The following UBR4 variants were observed in gnomAD, a reference collection of about 807,000 sequenced individuals.
UBR4 encodes the protein E3 ubiquitin-protein ligase UBR4.
In UBR4, 124 loss-of-function variants were observed where a neutral mutation model predicts 575.6. That is an observed-to-expected ratio of 0.22 (90% CI 0.19 to 0.25). The LOEUF (loss-of-function observed/expected upper bound fraction) is 0.25. Ranked by LOEUF, UBR4 falls within the 10% of genes least tolerant of loss-of-function variation. The pLI is 1.00. For missense variants in UBR4, 4,818 were observed against 6,478.8 expected (o/e 0.74, Z 8.80); for synonymous variants, 2,455 against 2,473.7 (o/e 0.99, Z 0.22).
At chr1:19,092,175 C>A (rs1177084851) in intron 97 of UBR4, among the ~76,000 whole-genome samples, 4 of 152,110 alleles carry the variant, frequency 2.6e-5, no homozygotes, top group Admixed American at 2.0e-4. Flanking sequence ...GCCCTGCGTC[C>A]TGATGGCACT....
intron 13 of UBR4, 73 bp downstream of exon 13, chr1:19,187,091 T>C (rs1033709790): frequency 3.3e-6 from 3 of 909,872 alleles, no homozygotes; most frequent in South Asian, 4.4e-5. Flanking sequence ...TATATATATA[T>C]ATATACATAT....
chr1:19,095,510 C>A, intron 93 of UBR4, 35 bp downstream of exon 93: 1 of 1,598,244 alleles, frequency 6.3e-7, no homozygotes. Flanking sequence ...ACTTCCAAGG[C>A]CCACTCTTCT....
chr1:19,127,795 C>A, intron 62 of UBR4, 56 bp from the exon 63 acceptor site: 1 of 1,417,494 alleles, frequency 7.1e-7, no homozygotes, highest in Non-Finnish European at 1.0e-6. Context: ...TTGAGGCATC[C>A]TCTGAACAAG....
rs2086045662 is a variant in UBR4, at chr1:19,153,653, C to A, written c.6630+115G>T. Reference sequence around the variant, plus strand: ...GAAAAGGCATCTAGAAGAAAAAGGACTGAAAATCTTTTATGGGCCTCCATT... The same window carrying A: ...GAAAAGGCATCTAGAAGAAAAAGGAATGAAAATCTTTTATGGGCCTCCATT... On this transcript the variant is annotated intron_variant, in intron 45 of 105. Transcript: ENST00000375254. The surrounding 1 kb of genome is among the most constrained non-coding windows in gnomAD (Gnocchi z 4.1). 11 of 1,490,674 alleles carry A rather than the reference C, an allele frequency of 7.4e-6. No homozygotes were observed. The highest frequency in any genetic ancestry group is 1.0e-5 in the Non-Finnish European group (11 of 1,102,768). 92.3% of individuals were successfully genotyped at this position (1,490,674 alleles called of 1,614,324 possible).
At position 19,169,549 on chromosome 1, in the gene UBR4, G is replaced by C. The variant is rs749861014; in HGVS notation, c.3644-17C>G. The C allele has an allele frequency of 1.2e-6, 2 of 1,606,042 alleles. No homozygotes were observed. Among genetic ancestry groups the C allele is most frequent in the African/African-American group, 1.3e-5 (1 of 74,562 alleles). On this transcript the variant is annotated splice_polypyrimidine_tract_variant and intron_variant, in intron 26 of 105. Transcript: ENST00000375254. ...GTGTCGGACCTGGAGGCGACAGAAA[G>C]GACAAGGAATCATCACAAGAAAGAA... is the stretch of plus-strand genomic sequence containing the variant.
chr1:19,199,395 G>C (rs1381008194), intron 3 of UBR4, among the ~76,000 whole-genome samples: 1 of 152,212 alleles, frequency 6.6e-6, no homozygotes, highest in Non-Finnish European at 1.5e-5. Context: ...GCAAACTACA[G>C]CTCCAATTCA....
chr1:19,184,108 A>T lies in UBR4; in HGVS notation c.2006T>A (p.Phe669Tyr). ...TSSMLNSRNN[F>Y]IRNYLSVSLS... The stretch of plus-strand genomic sequence containing the variant: ...AGATACACTCAGATAGTTTCGGATA[A>T]AATTGTTCCGAGAGTTCAGCATGGA... Residue 669 changes from phenylalanine to tyrosine, a missense_variant, in exon 16 of 106, where the codon TTT becomes TAT. Transcript: ENST00000375254. 1 of 1,614,192 alleles carries T rather than the reference A, an allele frequency of 6.2e-7. No homozygotes were observed. Among genetic ancestry groups the T allele is most frequent in the Non-Finnish European group, 8.5e-7 (1 of 1,180,042 alleles).
At chr1:19,137,846 C>T (rs941626845) in intron 60 of UBR4, among the ~76,000 whole-genome samples, 161 bp downstream of exon 60, 5 of 152,224 alleles carry the variant, frequency 3.3e-5, no homozygotes, top group African/African-American at 1.2e-4. Context: ...AGACCTAGAG[C>T]ACTTCCTAAG....
intron 17 of UBR4, among the ~76,000 whole-genome samples, chr1:19,180,244 GGTTGCA>G (rs1031970599): frequency 6.6e-6 from 1 of 151,520 alleles, no homozygotes; most frequent in African/African-American, 2.4e-5. Flanking sequence ...GCAGGAGTGC[GGTTGCA>G]CGATCTCAGC....
intron 101 of UBR4, among the ~76,000 whole-genome samples, chr1:19,085,878 G>A (rs891550419): frequency 1.3e-5 from 2 of 152,142 alleles, no homozygotes; most frequent in Non-Finnish European, 2.9e-5. Context: ...GAATAGTGAA[G>A]ACCCAGAAAT....
At chr1:19,125,612 T>C (rs2081643677) in intron 64 of UBR4, 1 of 152,178 alleles carries the variant, frequency 6.6e-6, no homozygotes, top group Admixed American at 6.5e-5. Flanking sequence ...CCTTGGGAAA[T>C]GTGCAGGCTG....
chr1:19,117,178 C>A lies in UBR4; in HGVS notation c.10823+43G>T. ...ACCGAAGGCAGCAACTGAGCTTCAG[C>A]CTTACAACCTGCTGCCCCTCCCGAG... On this transcript the variant is annotated intron_variant, in intron 73 of 105. Transcript: ENST00000375254. The surrounding 1 kb of genome is among the most constrained non-coding windows in gnomAD (Gnocchi z 4.0). 1 of 1,597,574 alleles carries A rather than the reference C, an allele frequency of 6.3e-7. No homozygotes were observed. The highest frequency in any genetic ancestry group is 1.1e-5 in the South Asian group (1 of 88,888).
rs140807023 is a variant in UBR4, at chr1:19,202,144, T to C, written c.177-329A>G. Among the ~76,000 whole-genome samples, 652 of 152,058 alleles carry C rather than the reference T, an allele frequency of 4.3e-3. 4 individuals carry two copies. The highest frequency in any genetic ancestry group is 0.015 in the African/African-American group (624 of 41,478). ...GGAGGCAGAGGTTGCAGTGAGCCGA[T>C]ATTGAACCACTGCACTCCAGCCTGG... is the stretch of plus-strand genomic sequence containing the variant. On this transcript the variant is annotated intron_variant, in intron 1 of 105. Transcript: ENST00000375254.
Position 19,170,242 on chromosome 1 carries a change from T to C in UBR4, c.3643+520A>G, listed in dbSNP as rs114271777. ...GGAAGACCTCATCTCTACAAAAAAA[T>C]TTAAAAATTATACGGGTATGGTATT... On this transcript the variant is annotated intron_variant, in intron 26 of 105. Transcript: ENST00000375254. Among the ~76,000 whole-genome samples the C allele has an allele frequency of 8.8e-3, 1,332 of 152,182 alleles. 19 individuals are homozygous for C. The highest frequency in any genetic ancestry group is 0.03 in the African/African-American group (1,256 of 41,518).
intron 15 of UBR4, 133 bp downstream of exon 15, chr1:19,184,966 T>C (rs565347586): frequency 4.6e-6 from 5 of 1,082,638 alleles, no homozygotes; most frequent in African/African-American, 1.6e-5. Context: ...TCAAGACATA[T>C]AAGTCCTAAG....
At chr1:19,130,456 C>T (rs1050606095) in intron 60 of UBR4, among the ~76,000 whole-genome samples, 3 of 152,180 alleles carry the variant, frequency 2.0e-5, no homozygotes, top group African/African-American at 7.2e-5. Context: ...TTCAAGGTTA[C>T]AGTGAGCCAT....
rs747851935 is a variant in UBR4 at position 19,100,341 on chromosome 1, C to A, written c.13221+35G>T. 1 of 1,611,434 alleles carries A rather than the reference C, an allele frequency of 6.2e-7. No individual in the cohort carries two copies. Among genetic ancestry groups the A allele is most frequent in the Non-Finnish European group, 8.5e-7 (1 of 1,178,470 alleles). ...GTTAGCCTAGGAGGAAGCCCCTAAT[C>A]GTAAACGTGGGCAGCACTGTCCTAT... is the stretch of plus-strand genomic sequence containing the variant. On this transcript the variant is annotated intron_variant, in intron 89 of 105. Coordinates refer to ENST00000375254, the MANE Select transcript of UBR4 (RefSeq NM_020765.3). The surrounding 1 kb of genome is among the most constrained non-coding windows in gnomAD (Gnocchi z 4.2).
At chr1:19,145,750 A>T in intron 53 of UBR4, 43 bp downstream of exon 53, 2 of 1,602,638 alleles carry the variant, frequency 1.2e-6, no homozygotes, top group Non-Finnish European at 1.7e-6. Context: ...CAGAACTTAC[A>T]TCAGGCTTCA....
intron 11 of UBR4, among the ~76,000 whole-genome samples, chr1:19,190,811 C>T (rs1373904444): frequency 1.3e-5 from 2 of 152,186 alleles, no homozygotes. Context: ...TGGAATGATG[C>T]ATTCGCTGCT....
Sources: gnomAD v4.1 joint callset for allele counts (sites outside exome capture counted in the v4.1 genomes callset) on GRCh38, gnomAD v4.1.1 for gene constraint, Gnocchi (gnomAD v3.1) non-coding constraint, MANE v1.5 for transcripts, NCBI Gene and HGNC (gene_info 2026-07-23, HGNC 2026-07-21) for gene names.